TUBGCP5: variants seen among roughly 807,000 people sequenced by gnomAD.
TUBGCP5 encodes the protein tubulin gamma complex component 5, also known as gamma-tubulin complex component 5.
In TUBGCP5, 98 loss-of-function variants were observed where a neutral mutation model predicts 134.7. That is an observed-to-expected ratio of 0.73 (90% confidence interval 0.62 to 0.86). TUBGCP5 has a LOEUF of 0.86. Ranked by LOEUF, TUBGCP5 falls within the 40% of genes least tolerant of loss-of-function variation. TUBGCP5 has a pLI of 0.00. For synonymous variants in TUBGCP5, 456 were observed against 431.4 expected, an observed-to-expected ratio of 1.06 and a Z score of -0.71; for missense variants, 1,150 against 1,244.8, an observed-to-expected ratio of 0.92 and a Z score of 1.15.
At chr15:23,003,179 A>G in intron 20 of TUBGCP5, 26 bp from the exon 21 acceptor site, 2 of 1,604,288 alleles carry the variant, frequency 1.2e-6, no homozygotes, top group Non-Finnish European at 1.7e-6. Flanking sequence ...ACAGAACACA[A>G]ACTGTGTAAC....
rs760315562 is a variant in TUBGCP5, at chr15:23,010,005, A to G, written c.2084T>C (p.Ile695Thr). The G allele has an allele frequency of 5.0e-6, 8 of 1,614,058 alleles. No individual in the cohort carries two copies. The highest frequency in any genetic ancestry group is 6.8e-6 in the Non-Finnish European group (8 of 1,180,026). ...LTLRSCLYPHIDKQYLDCCGN... is the reference protein window; with the variant it reads ...LTLRSCLYPHTDKQYLDCCGN... ...ACAGCAATCTAGATACTGCTTGTCA[A>G]TATGAGGATAGAGGCAGGATCTCAG... is the stretch of plus-strand genomic sequence containing the variant. The change falls in exon 15 of 23, where the codon ATT (isoleucine) becomes ACT (threonine). Residue 695 changes from isoleucine to threonine, a missense_variant. Coordinates refer to ENST00000615383, the MANE Select transcript of TUBGCP5 (RefSeq NM_052903.6).
At chr15:23,024,961 G>A in intron 8 of TUBGCP5, 131 bp from the exon 9 acceptor site, 1 of 605,312 alleles carries the variant, frequency 1.7e-6, no homozygotes, top group East Asian at 3.0e-5. Context: ...GAGTGCAGCA[G>A]CATGATCACA....
intron 1 of TUBGCP5, among the ~76,000 whole-genome samples, chr15:23,038,689 G>A (rs921969834): frequency 2.6e-5 from 4 of 152,046 alleles, no homozygotes; most frequent in African/African-American, 7.2e-5. Context: ...CATTTTTTTA[G>A]TAATAATTTC....
intron 23 of TUBGCP5, among the ~76,000 whole-genome samples, chr15:22,986,059 G>A (rs1196071524): frequency 2.1e-5 from 3 of 146,232 alleles, no homozygotes; most frequent in Admixed American, 1.4e-4. Context: ...GTGTGAACCC[G>A]GGAGGCAGAG....
In TUBGCP5 at chr15:23,037,496, T is replaced by C. The variant is rs183563069; in HGVS notation, c.147-344A>G. ...TGCCATAGTGAGGCCCGGTGAAGCC[T>C]AAGGACCCCTTCTCTGAATAACATT... On this transcript the variant is annotated intron_variant, in intron 1 of 22. Coordinates refer to ENST00000615383, the MANE Select transcript of TUBGCP5 (RefSeq NM_052903.6). Among the ~76,000 whole-genome samples, 29 of 148,254 alleles carry C rather than the reference T, an allele frequency of 2.0e-4. No individual in the cohort carries two copies. In the East Asian group the frequency reaches 5.2e-3, roughly 27 times the overall value.
In TUBGCP5 at chr15:23,011,186, G is replaced by T. The variant is rs1294076933; in HGVS notation, c.1902C>A (p.Ser634Arg). 6.2e-7 allele frequency: 1 copy of T among 1,613,966 alleles called. No homozygotes were observed. ...NLMKMQSIAE[S>R]HLELDDVHDP... is the part of the protein sequence containing the mutation. ...CATGAACATCATCCAGTTCAAGATG[G>T]CTTTCAGCAATGGACTGCATCTTCA... is the stretch of plus-strand genomic sequence containing the variant. The change falls in exon 14 of 23, where the codon AGC becomes AGA. Residue 634 changes from serine (S) to arginine (R), a missense_variant. Coordinates refer to ENST00000615383, the MANE Select transcript of TUBGCP5 (RefSeq NM_052903.6).
At chr15:22,993,543 T>G (rs1485421521) in intron 23 of TUBGCP5, among the ~76,000 whole-genome samples, 3 of 137,272 alleles carry the variant, frequency 2.2e-5, no homozygotes, top group African/African-American at 8.5e-5. Flanking sequence ...TTTTTTTTTT[T>G]TTTTTTTTTT....
Position 23,004,197 on chromosome 15 carries a change from G to A in TUBGCP5, c.2743C>T (p.His915Tyr), listed in dbSNP as rs199679969. 1.8e-5 allele frequency: 29 copies of A among 1,613,174 alleles called. 1 individual carries two copies. Among genetic ancestry groups the A allele is most frequent in the South Asian group, 1.5e-4 (14 of 90,782 alleles). ...AAATCCTTGGCTTCCTCGACTTGAT[G>A]TTGAAACTCCAGCCCTGTACTGTGT... ...ILHSTGLEFQ[H>Y]QVEEAKDLDQ... Residue 915 changes from histidine (H) to tyrosine (Y), a missense_variant, in exon 20 of 23, where the codon CAT becomes TAT. Transcript: ENST00000615383.
intron 10 of TUBGCP5, among the ~76,000 whole-genome samples, chr15:23,022,662 T>C (rs772961143): frequency 3.3e-5 from 5 of 152,168 alleles, no homozygotes; most frequent in Non-Finnish European, 7.4e-5. Context: ...CACCCACCCC[T>C]GTTCAAAGCA....
chr15:22,993,151 G>T (rs1422766050), intron 23 of TUBGCP5, among the ~76,000 whole-genome samples: 1 of 152,142 alleles, frequency 6.6e-6, no homozygotes, highest in Non-Finnish European at 1.5e-5. Context: ...CCAGGCTGGA[G>T]TGTAGCGGTG....
intron 23 of TUBGCP5, among the ~76,000 whole-genome samples, chr15:22,986,694 C>T (rs1327619678): frequency 6.6e-6 from 1 of 150,912 alleles, no homozygotes; most frequent in African/African-American, 2.4e-5. Context: ...GCTGAGATTG[C>T]GCCACCGCAC....
At chr15:23,027,429 T>C (rs1191150316) in intron 6 of TUBGCP5, 123 bp from the exon 7 acceptor site, 19 of 704,292 alleles carry the variant, frequency 2.7e-5, no homozygotes, top group South Asian at 8.1e-5. Flanking sequence ...AACAGCTACC[T>C]AACATTTATG....
rs1282596550 is a variant in TUBGCP5 at position 23,005,602 on chromosome 15, T to C, written c.2542A>G (p.Ser848Gly). 1 of 1,612,970 alleles carries C rather than the reference T, an allele frequency of 6.2e-7. No homozygotes were observed. The change falls in exon 19 of 23, where the codon AGT becomes GGT. Residue 848 changes from serine to glycine, a missense_variant. Transcript: ENST00000615383. ...LDVLLFGELV[S>G]TAEKPRLKEG... is the part of the protein sequence containing the mutation. ...TTAAGTCGTGGTTTTTCTGCAGTAC[T>C]AACCAGTTCTATAAAACATTGGAAG...
chr15:22,999,604 T>C lies in TUBGCP5; in HGVS notation c.*216A>G. 3.6e-6 allele frequency: 2 copies of C among 561,766 alleles called. No homozygotes were observed. The highest frequency in any genetic ancestry group is 6.4e-6 in the Non-Finnish European group (2 of 314,422). 34.8% of individuals were successfully genotyped at this position (561,766 alleles called of 1,614,324 possible). ...TTGGTAGACACCGGGTTTCACCATG[T>C]TGCCCAGGCTGGCCTCAAACTCCTG... On this transcript the variant is annotated 3_prime_UTR_variant, in exon 23 of 23. Coordinates refer to ENST00000615383, the MANE Select transcript of TUBGCP5 (RefSeq NM_052903.6).
chr15:23,004,109 C>G lies in TUBGCP5; in HGVS notation c.2831G>C (p.Arg944Thr). Residue 944 changes from arginine to threonine, a missense_variant, in exon 20 of 23, where the codon AGA becomes ACA. This residue lies in a region of TUBGCP5 where 697 missense variants were observed against 850.1 expected (regional missense o/e 0.82). Transcript: ENST00000615383. ...AGGAGACATCTCATGTACCTTTTCT[C>G]TCAGCAGACACCGGTCATGGATGGT... Reference protein sequence around the residue: ...LSTIHDRCLLREKVSFVKEAI... With the variant: ...LSTIHDRCLLTEKVSFVKEAI... 6.2e-7 allele frequency: 1 copy of G among 1,609,812 alleles called. No homozygotes were observed. The highest frequency in any genetic ancestry group is 8.5e-7 in the Non-Finnish European group (1 of 1,178,856).
chr15:22,999,902 G>T (rs775728877), intron 22 of TUBGCP5, 36 bp from the exon 23 acceptor site: 2 of 1,604,334 alleles, frequency 1.2e-6, no homozygotes, highest in South Asian at 1.1e-5. Context: ...AAAACAATAG[G>T]TTTAAATGTT....
At chr15:23,010,326 G>A (rs540540083) in intron 14 of TUBGCP5, among the ~76,000 whole-genome samples, 193 bp from the exon 15 acceptor site, 1 of 152,296 alleles carries the variant, frequency 6.6e-6, no homozygotes, top group African/African-American at 2.4e-5. Context: ...TTAGGGTCAG[G>A]TACTAGAGCT....
In TUBGCP5 at chr15:23,023,938, A is replaced by G. The variant is rs1223723811; in HGVS notation, c.1168+9T>C. The G allele has an allele frequency of 6.2e-7, 1 of 1,613,282 alleles. No homozygotes were observed. Among genetic ancestry groups the G allele is most frequent in the East Asian group, 2.2e-5 (1 of 44,878 alleles). On this transcript the variant is annotated intron_variant, in intron 10 of 22. Transcript: ENST00000615383. Reference sequence around the variant, plus strand: ...TGTAGTATGAGTAAAGATGAAGAACATTTAATACCATTATTGATGATGCAC... The same window carrying G: ...TGTAGTATGAGTAAAGATGAAGAACGTTTAATACCATTATTGATGATGCAC...
At chr15:22,987,134 A>G (rs943015738) in intron 23 of TUBGCP5, among the ~76,000 whole-genome samples, 5 of 151,712 alleles carry the variant, frequency 3.3e-5, no homozygotes, top group Admixed American at 6.6e-5. Context: ...GGAGTTCAAG[A>G]CCAGCCTGAC....
Sources: allele counts gnomAD v4.1 joint callset (sites outside exome capture counted in the v4.1 genomes callset), GRCh38; gene constraint gnomAD v4.1.1; regional missense constraint gnomAD v4.1.1; transcripts MANE v1.5; gene names NCBI Gene and HGNC (gene_info 2026-07-23, HGNC 2026-07-21).